MOXD1: variants seen among roughly 807,000 people sequenced by gnomAD.
MOXD1 encodes the protein DBH-like monooxygenase protein 1.
MOXD1 carries 62 observed loss-of-function variants against 66.6 expected under a neutral mutation model. That is an observed-to-expected ratio of 0.93 (90% CI 0.76 to 1.15). The LOEUF is 1.15. MOXD1 is among the 50% of genes most tolerant of loss of function. MOXD1 has a pLI of 0.00. For synonymous variants in MOXD1, 303 were observed against 281.9 expected (o/e 1.07, Z -0.75); for missense variants, 847 against 754.6 (o/e 1.12, Z -1.44).
rs35417733 is a variant in MOXD1, at chr6:132,386,446, CAA to C, written c.265-11671_265-11670del. ...AACAAAACAAAACAAAAAAAAAAAA[CAA>C]AAAAAAAACGGGAAAAGAGATGAAA... On this transcript the variant is annotated intron_variant, in intron 1 of 11. Coordinates refer to ENST00000367963, the MANE Select transcript of MOXD1 (RefSeq NM_015529.4). Among the ~76,000 whole-genome samples the C allele has an allele frequency of 2.4e-3, 307 of 126,552 alleles. 7 individuals are homozygous for C. Among genetic ancestry groups the C allele is most frequent in the African/African-American group, 8.0e-3 (292 of 36,652 alleles). 83.0% of individuals were successfully genotyped at this position (126,552 alleles called of 152,430 possible). A position where few individuals can be genotyped will look rare whatever the true frequency, so the allele number is the denominator to read the frequency against.
intron 4 of MOXD1, among the ~76,000 whole-genome samples, chr6:132,357,566 C>A (rs1216367903): frequency 1.3e-5 from 2 of 151,998 alleles, no homozygotes; most frequent in African/African-American, 4.8e-5. Flanking sequence ...ATATAAAAAT[C>A]TAGTTAAATA....
intron 4 of MOXD1, among the ~76,000 whole-genome samples, chr6:132,330,178 G>A (rs570089935): frequency 6.6e-6 from 1 of 152,296 alleles, no homozygotes; most frequent in East Asian, 1.9e-4. Flanking sequence ...CCCCAATCCA[G>A]TACTGGTCCG....
intron 9 of MOXD1, among the ~76,000 whole-genome samples, chr6:132,319,532 T>C (rs1775030853): frequency 6.6e-6 from 1 of 152,060 alleles, no homozygotes; most frequent in Admixed American, 6.5e-5. Context: ...AGATAATTTC[T>C]TATATACTCA....
intron 10 of MOXD1, among the ~76,000 whole-genome samples, chr6:132,300,757 G>C (rs367906766): frequency 6.6e-6 from 1 of 152,192 alleles, no homozygotes; most frequent in Non-Finnish European, 1.5e-5. Flanking sequence ...GCCCAATGGC[G>C]CGTATGTTGG....
intron 1 of MOXD1, among the ~76,000 whole-genome samples, chr6:132,378,489 A>G (rs1234940455): frequency 6.6e-6 from 1 of 152,234 alleles, no homozygotes; most frequent in African/African-American, 2.4e-5. Flanking sequence ...AATCAAAATA[A>G]AAATACTGAT....
intron 4 of MOXD1, among the ~76,000 whole-genome samples, chr6:132,347,706 T>C (rs562181069): frequency 1.3e-5 from 2 of 152,246 alleles, no homozygotes; most frequent in South Asian, 2.1e-4. Flanking sequence ...ATTTATTTTA[T>C]GGAGTGTTGC....
chr6:132,303,886 T>TAA (rs1562276577), intron 10 of MOXD1, among the ~76,000 whole-genome samples: 1 of 84,942 alleles, frequency 1.2e-5, no homozygotes, highest in Non-Finnish European at 2.0e-5. Context: ...TATACATATA[T>TAA]ACATAAAACC....
At chr6:132,335,730 G>A (rs1775422944) in intron 4 of MOXD1, among the ~76,000 whole-genome samples, 2 of 152,132 alleles carry the variant, frequency 1.3e-5, no homozygotes, top group South Asian at 4.1e-4. Context: ...AGCAGCCCTA[G>A]GAAATTCATA....
intron 10 of MOXD1, among the ~76,000 whole-genome samples, chr6:132,303,776 TATATAC>T (rs1774608264): frequency 7.0e-6 from 1 of 142,096 alleles, no homozygotes; most frequent in African/African-American, 2.6e-5. Flanking sequence ...TATACATACA[TATATAC>T]ACATATATAC....
In MOXD1 at chr6:132,386,830, G is replaced by A. The variant is rs143382460; in HGVS notation, c.265-12053C>T. ...TTTAATATCTCTGCTTGTCAGAAAT[G>A]TATTCCTTATAGTAAGCTAAATTCT... is the stretch of plus-strand genomic sequence containing the variant. On this transcript the variant is annotated intron_variant, in intron 1 of 11. Transcript: ENST00000367963. Among the ~76,000 whole-genome samples, 20 of 151,422 alleles carry A rather than the reference G, an allele frequency of 1.3e-4. No homozygotes were observed. In the East Asian group the frequency reaches 3.9e-3, roughly 29 times the overall value.
intron 6 of MOXD1, among the ~76,000 whole-genome samples, chr6:132,327,680 T>A (rs1562283279): frequency 6.6e-6 from 1 of 152,172 alleles, no homozygotes; most frequent in Non-Finnish European, 1.5e-5. Flanking sequence ...AAGAAAATGT[T>A]CCATAAACAC....
chr6:132,335,026 T>C (rs1775408656), intron 4 of MOXD1, among the ~76,000 whole-genome samples: 1 of 152,034 alleles, frequency 6.6e-6, no homozygotes, highest in Non-Finnish European at 1.5e-5. Context: ...ACGAAGAAAA[T>C]GTTTCAGAAT....
In MOXD1 at chr6:132,387,039, A is replaced by T. The variant is rs551197486; in HGVS notation, c.265-12262T>A. Among the ~76,000 whole-genome samples the T allele has an allele frequency of 2.7e-4, 41 of 151,260 alleles. 4 individuals are homozygous for T. The highest frequency in any genetic ancestry group is 5.2e-4 in the Non-Finnish European group (35 of 67,624). The stretch of plus-strand genomic sequence containing the variant: ...GCTGTTTTTTTTTCCTCAGGTACTC[A>T]GATTTCCCAAGGTTTCAACCATCCT... On this transcript the variant is annotated intron_variant, in intron 1 of 11. Transcript: ENST00000367963.
chr6:132,327,399 GA>G (rs1775212657), intron 6 of MOXD1, among the ~76,000 whole-genome samples: 1 of 152,184 alleles, frequency 6.6e-6, no homozygotes, highest in Admixed American at 6.5e-5. Flanking sequence ...AGTATTTGCT[GA>G]AAAATTGCAT....
intron 4 of MOXD1, among the ~76,000 whole-genome samples, chr6:132,369,750 G>C (rs572915189): frequency 1.3e-5 from 2 of 152,004 alleles, no homozygotes; most frequent in East Asian, 3.8e-4. Flanking sequence ...AATGATTCAC[G>C]TCCCAGCTGG....
intron 8 of MOXD1, among the ~76,000 whole-genome samples, chr6:132,321,101 C>T (rs901145903): frequency 6.6e-6 from 1 of 152,104 alleles, no homozygotes; most frequent in African/African-American, 2.4e-5. Flanking sequence ...CGCGTCTCTA[C>T]TAAAAATACA....
intron 1 of MOXD1, among the ~76,000 whole-genome samples, chr6:132,382,658 T>C (rs1776534679): frequency 1.3e-5 from 2 of 152,320 alleles, no homozygotes; most frequent in South Asian, 4.1e-4. Flanking sequence ...TGTCACAAGA[T>C]ATTTTTTCTT....
chr6:132,370,235 C>T (rs940876413), intron 4 of MOXD1, among the ~76,000 whole-genome samples: 1 of 151,868 alleles, frequency 6.6e-6, no homozygotes, highest in African/African-American at 2.4e-5. Flanking sequence ...ATACACTTTT[C>T]TTAAATTATT....
chr6:132,342,656 T>C (rs571762365), intron 4 of MOXD1, among the ~76,000 whole-genome samples: 6 of 152,256 alleles, frequency 3.9e-5, no homozygotes, highest in Non-Finnish European at 8.8e-5. Context: ...TGTTTTTAAA[T>C]GATACATGAA....
Sources: allele counts gnomAD v4.1 joint callset (sites outside exome capture counted in the v4.1 genomes callset), GRCh38; gene constraint gnomAD v4.1.1; transcripts MANE v1.5; gene names NCBI Gene and HGNC (gene_info 2026-07-23, HGNC 2026-07-21).